KCNU1: variants seen among roughly 807,000 people sequenced by gnomAD.
KCNU1 encodes the protein potassium channel subfamily U member 1.
In KCNU1, 93 loss-of-function variants were observed where a neutral mutation model predicts 126.8. That is an observed-to-expected ratio of 0.73 (90% confidence interval 0.62 to 0.87). The LOEUF (loss-of-function observed/expected upper bound fraction) is 0.87, where lower values mean the gene tolerates loss of function less well. KCNU1 is among the 40% of genes least tolerant of loss of function. The pLI is 0.00. For synonymous variants in KCNU1, 523 were observed against 494.2 expected, an observed-to-expected ratio of 1.06 and a Z score of -0.77; for missense variants, 1,330 against 1,367.1, an observed-to-expected ratio of 0.97 and a Z score of 0.43.
intron 18 of KCNU1, among the ~76,000 whole-genome samples, chr8:36,861,637 G>A (rs1055446649): frequency 4.6e-5 from 7 of 152,116 alleles, no homozygotes; most frequent in Non-Finnish European, 1.0e-4. Flanking sequence ...GTCACAATGA[G>A]TGGTAAAGTA....
At chr8:36,895,956 A>G (rs1406224703) in intron 19 of KCNU1, among the ~76,000 whole-genome samples, 2 of 152,068 alleles carry the variant, frequency 1.3e-5, no homozygotes, top group East Asian at 3.9e-4. Flanking sequence ...CACTATTGGT[A>G]TTTGATAGTA....
At chr8:36,869,796 G>T (rs1806036721) in intron 19 of KCNU1, among the ~76,000 whole-genome samples, 1 of 152,152 alleles carries the variant, frequency 6.6e-6, no homozygotes, top group Admixed American at 6.6e-5. Context: ...TCATGCTGTT[G>T]TTGTCATTGT....
At chr8:36,845,461 G>A in intron 16 of KCNU1, 119 bp from the exon 17 acceptor site, 4 of 629,696 alleles carry the variant, frequency 6.4e-6, no homozygotes, top group Non-Finnish European at 1.1e-5. Flanking sequence ...AGTAAGAGGA[G>A]GTTGAATACG....
At chr8:36,832,407 T>C (rs1011787443) in intron 10 of KCNU1, among the ~76,000 whole-genome samples, 1 of 152,180 alleles carries the variant, frequency 6.6e-6, no homozygotes, top group African/African-American at 2.4e-5. Context: ...AAACCACAGC[T>C]TCAATTTCTT....
rs149266413 is a variant in KCNU1 at position 36,818,571 on chromosome 8, T to C, written c.1106+811T>C. On this transcript the variant is annotated intron_variant, in intron 10 of 26. Coordinates refer to ENST00000399881, the MANE Select transcript of KCNU1 (RefSeq NM_001031836.3). ...CAGCTCATTCTTTTAGTGTTTAAGATCCATGGAATTGCTTTTGCCTGATGT... is the reference window on the plus strand; with the variant it reads ...CAGCTCATTCTTTTAGTGTTTAAGACCCATGGAATTGCTTTTGCCTGATGT... Among the ~76,000 whole-genome samples, 5 of 152,340 alleles carry C rather than the reference T, an allele frequency of 3.3e-5. No homozygotes were observed. In the East Asian group the frequency reaches 9.6e-4, roughly 29 times the overall value.
At chr8:36,796,036 T>G (rs1047890357) in intron 2 of KCNU1, among the ~76,000 whole-genome samples, 2 of 152,222 alleles carry the variant, frequency 1.3e-5, no homozygotes, top group African/African-American at 4.8e-5. Flanking sequence ...CTCTGAGTAC[T>G]TCTTTGGCTA....
At position 36,935,520 on chromosome 8, in the gene KCNU1, T is replaced by C; in HGVS notation, c.3050T>C (p.Val1017Ala). ...ATCTTTGACTTGTCTTACAGGTTTG[T>C]GATCACCCGGCCAGCCAATGAGTTC... is the stretch of plus-strand genomic sequence containing the variant. ...EELNPENKRF[V>A]ITRPANEFKL... The change falls in exon 27 of 27, where the codon GTG (valine) becomes GCG (alanine). Residue 1017 changes from valine to alanine, a missense_variant. Coordinates refer to ENST00000399881, the MANE Select transcript of KCNU1 (RefSeq NM_001031836.3). 6.3e-7 allele frequency: 1 copy of C among 1,593,350 alleles called. No homozygotes were observed. Among genetic ancestry groups the C allele is most frequent in the Non-Finnish European group, 8.6e-7 (1 of 1,168,608 alleles).
At chr8:36,932,460 A>G (rs1459409554) in intron 25 of KCNU1, among the ~76,000 whole-genome samples, 2 of 152,108 alleles carry the variant, frequency 1.3e-5, no homozygotes, top group Non-Finnish European at 2.9e-5. Context: ...TTGTCTATTC[A>G]TAATGATCTT....
chr8:36,871,621 T>C (rs935649911), intron 19 of KCNU1, among the ~76,000 whole-genome samples: 6 of 152,128 alleles, frequency 3.9e-5, no homozygotes, highest in Non-Finnish European at 5.9e-5. Flanking sequence ...TCACAGACTA[T>C]AATAAAGGAG....
At chr8:36,880,854 C>G (rs777678537) in intron 19 of KCNU1, among the ~76,000 whole-genome samples, 1 of 152,024 alleles carries the variant, frequency 6.6e-6, no homozygotes, top group Non-Finnish European at 1.5e-5. Context: ...CCTGGTAGAA[C>G]AAAAAGAAAG....
intron 21 of KCNU1, 148 bp downstream of exon 21, chr8:36,909,683 C>T: frequency 1.7e-6 from 1 of 591,878 alleles, no homozygotes; most frequent in Non-Finnish European, 2.9e-6. Context: ...TTCACTTAAT[C>T]TCAAAACCAC....
At chr8:36,822,256 T>C (rs541835519) in intron 10 of KCNU1, among the ~76,000 whole-genome samples, 1 of 152,156 alleles carries the variant, frequency 6.6e-6, no homozygotes, top group Non-Finnish European at 1.5e-5. Context: ...GTATCAAACA[T>C]ATATACATAC....
chr8:36,806,463 T>G, intron 5 of KCNU1, 83 bp downstream of exon 5: 1 of 712,626 alleles, frequency 1.4e-6, no homozygotes, highest in South Asian at 1.9e-5. Context: ...TATTTTTCAT[T>G]TGTTCTTAAT....
At chr8:36,907,565 G>T (rs550981743) in intron 20 of KCNU1, among the ~76,000 whole-genome samples, 1 of 152,190 alleles carries the variant, frequency 6.6e-6, no homozygotes, top group South Asian at 2.1e-4. Context: ...CAGACAAGTA[G>T]CTTTATTTCC....
chr8:36,840,650 A>G (rs1239328055), intron 15 of KCNU1, 75 bp downstream of exon 15: 1 of 859,846 alleles, frequency 1.2e-6, no homozygotes, highest in Non-Finnish European at 1.9e-6. Flanking sequence ...AGGGCCCACT[A>G]TAGGCCAGGC....
intron 24 of KCNU1, among the ~76,000 whole-genome samples, chr8:36,924,936 G>T (rs2117596927): frequency 6.6e-6 from 1 of 152,264 alleles, no homozygotes; most frequent in African/African-American, 2.4e-5. Context: ...AGAAGGGCAG[G>T]ATGGACAGGG....
chr8:36,857,183 C>T (rs1165597776), intron 18 of KCNU1, among the ~76,000 whole-genome samples: 3 of 152,284 alleles, frequency 2.0e-5, no homozygotes, highest in Middle Eastern at 3.4e-3. Flanking sequence ...TTTGCTTCTC[C>T]CACTGTGAAA....
intron 18 of KCNU1, among the ~76,000 whole-genome samples, chr8:36,852,709 A>G (rs560129561): frequency 2.0e-4 from 30 of 152,220 alleles, no homozygotes; most frequent in African/African-American, 6.5e-4. Context: ...ATGTGTACAT[A>G]TGATATGCAT....
rs141501612 is a variant in KCNU1, at chr8:36,867,722, A to G, written c.2009+3201A>G. On this transcript the variant is annotated intron_variant, in intron 19 of 26. Transcript: ENST00000399881. ...TTCAGTTTCACTGGCTTTTCTTTCT[A>G]TTCTTTAGCACAGCTGTAAAAACAA... 6.9e-3 allele frequency among the ~76,000 whole-genome samples: 1,050 copies of G among 152,296 alleles called. 12 individuals are homozygous for G. Among genetic ancestry groups the G allele is most frequent in the African/African-American group, 0.022 (908 of 41,576 alleles).
Sources: gnomAD v4.1 joint callset for allele counts (sites outside exome capture counted in the v4.1 genomes callset) on GRCh38, gnomAD v4.1.1 for gene constraint, MANE v1.5 for transcripts, NCBI Gene and HGNC (gene_info 2026-07-23, HGNC 2026-07-21) for gene names.